The following CFAP44 variants were observed in gnomAD, a reference collection of about 807,000 sequenced individuals.
The protein encoded by CFAP44 is cilia- and flagella-associated protein 44.
A neutral mutation model predicts 216.2 loss-of-function variants in CFAP44; 134 were observed. The ratio of observed to expected loss-of-function variants is 0.62; its 90% CI spans 0.54 to 0.72. CFAP44 has a LOEUF of 0.72. Among genes scored for constraint, CFAP44 ranks in the 30% least tolerant of loss-of-function variants. CFAP44 has a pLI of 0.00. For missense variants in CFAP44, 2,035 were observed against 2,182.1 expected, an observed-to-expected ratio of 0.93 and a Z score of 1.34; for synonymous variants, 700 against 727.6, an observed-to-expected ratio of 0.96 and a Z score of 0.61.
chr3:113,306,447 C>A, intron 29 of CFAP44, 116 bp from the exon 30 acceptor site: 1 of 1,300,218 alleles, frequency 7.7e-7, no homozygotes, highest in Non-Finnish European at 1.0e-6. Context: ...TCCACTCTAG[C>A]CAGCTTTTAA....
intron 2 of CFAP44, among the ~76,000 whole-genome samples, chr3:113,430,217 A>C (rs1935068078): frequency 6.6e-6 from 1 of 152,116 alleles, no homozygotes; most frequent in African/African-American, 2.4e-5. Context: ...TTACACAATA[A>C]AAATAATGCA....
chr3:113,380,405 G>A (rs1219206978), intron 16 of CFAP44, among the ~76,000 whole-genome samples: 5 of 151,730 alleles, frequency 3.3e-5, no homozygotes, highest in African/African-American at 7.3e-5. Flanking sequence ...TATTGCCATC[G>A]CCCTATTTTC....
intron 18 of CFAP44, among the ~76,000 whole-genome samples, chr3:113,367,397 A>G (rs150689399): frequency 0.029 from 4,379 of 152,200 alleles, 110 homozygotes; most frequent in East Asian, 0.1. Flanking sequence ...GTTCTGCAAT[A>G]TTTGCCATTC....
Position 113,291,478 on chromosome 3 carries a change from A to G in CFAP44, c.*79T>C. Reference sequence around the variant, plus strand: ...GGCGAGTTCAGTTTAAAGTAATAAGATTGTTGGAGGTGATGAGGAGACAGA... The same window carrying G: ...GGCGAGTTCAGTTTAAAGTAATAAGGTTGTTGGAGGTGATGAGGAGACAGA... On this transcript the variant is annotated 3_prime_UTR_variant, in exon 35 of 35. Coordinates refer to ENST00000393845, the MANE Select transcript of CFAP44 (RefSeq NM_001164496.2). The G allele has an allele frequency of 1.4e-6, 2 of 1,445,040 alleles. No individual in the cohort carries two copies. Among genetic ancestry groups the G allele is most frequent in the Non-Finnish European group, 1.8e-6 (2 of 1,081,598 alleles). 89.5% of individuals were successfully genotyped at this position (1,445,040 alleles called of 1,614,324 possible).
At chr3:113,352,745 A>G (rs1297836735) in intron 22 of CFAP44, among the ~76,000 whole-genome samples, 1 of 152,220 alleles carries the variant, frequency 6.6e-6, no homozygotes, top group African/African-American at 2.4e-5. Flanking sequence ...AATACATGTA[A>G]ATGAACCACA....
intron 1 of CFAP44, chr3:113,435,088 T>A (rs1427326002): frequency 6.6e-6 from 1 of 152,224 alleles, no homozygotes; most frequent in Admixed American, 6.5e-5. Flanking sequence ...CCGAGCTCAG[T>A]GGCTCATGCC....
chr3:113,395,929 G>T, intron 14 of CFAP44, 69 bp from the exon 15 acceptor site: 1 of 1,134,740 alleles, frequency 8.8e-7, no homozygotes, highest in Non-Finnish European at 1.3e-6. Flanking sequence ...TCACAAAAAA[G>T]CATGTAATAA....
chr3:113,352,463 C>T (rs1040244397), intron 22 of CFAP44, among the ~76,000 whole-genome samples: 4 of 152,130 alleles, frequency 2.6e-5, no homozygotes, highest in African/African-American at 9.7e-5. Context: ...TCAGCAAGAC[C>T]AAGAACCCAC....
chr3:113,305,787 T>A (rs1949979651), intron 30 of CFAP44, among the ~76,000 whole-genome samples: 1 of 152,314 alleles, frequency 6.6e-6, no homozygotes, highest in South Asian at 2.1e-4. Context: ...CAAAATCATC[T>A]ATTGGGGTAT....
rs1935163025 is a variant in CFAP44, at chr3:113,433,560, C to T, written c.100+5G>A. On this transcript the variant is annotated splice_donor_5th_base_variant and intron_variant, in intron 2 of 34. Transcript: ENST00000393845. ...TTTAAAAGTATACATATTATCTTTA[C>T]TTACATCTTGATTCTGATTTAGAAG... The T allele has an allele frequency of 2.6e-6, 4 of 1,524,194 alleles. No individual in the cohort carries two copies. Among genetic ancestry groups the T allele is most frequent in the African/African-American group, 2.8e-5 (2 of 71,368 alleles). 94.4% of individuals were successfully genotyped at this position (1,524,194 alleles called of 1,614,324 possible).
chr3:113,294,013 ACTTAG>A (rs549443662), intron 34 of CFAP44: 137 of 456,720 alleles, frequency 3.0e-4, no homozygotes, highest in African/African-American at 1.6e-3. Context: ...CTGTTGGAAC[ACTTAG>A]CTTAGACCAT....
At chr3:113,373,287 C>T (rs79686875) in intron 18 of CFAP44, 124 bp downstream of exon 18, 47 of 949,402 alleles carry the variant, frequency 5.0e-5, no homozygotes, top group Non-Finnish European at 1.1e-5. Flanking sequence ...TTTATTTAAC[C>T]AAATATTTTT....
chr3:113,341,754 ATTCT>A lies in CFAP44; in HGVS notation c.3423_3426del (p.Lys1141AsnfsTer35). On this transcript the variant is annotated frameshift_variant, in exon 24 of 35. Coordinates refer to ENST00000393845, the MANE Select transcript of CFAP44 (RefSeq NM_001164496.2). LOFTEE classifies it high-confidence loss of function. ...TAAAAAAAAACTCACAGTTCCTCCC[ATTCT>A]TTTTTTCGCTGTTGAATCTTTAGTT... is the stretch of plus-strand genomic sequence containing the variant. 1.3e-6 allele frequency: 2 copies of A among 1,485,914 alleles called. No individual in the cohort carries two copies. The highest frequency in any genetic ancestry group is 1.8e-6 in the Non-Finnish European group (2 of 1,130,308). The allele number at this position is 1,485,914 out of a possible 1,614,324, so 92.0% of individuals were successfully genotyped here.
intron 21 of CFAP44, among the ~76,000 whole-genome samples, chr3:113,362,650 T>C (rs150050439): frequency 1.3e-5 from 2 of 152,290 alleles, no homozygotes; most frequent in African/African-American, 4.8e-5. Flanking sequence ...AGTGCAGGGA[T>C]GCACATAGGA....
At chr3:113,376,901 G>T (rs1267117509) in intron 17 of CFAP44, among the ~76,000 whole-genome samples, 1 of 152,176 alleles carries the variant, frequency 6.6e-6, no homozygotes, top group Non-Finnish European at 1.5e-5. Context: ...GAGACCAAGT[G>T]GTTTATCTCA....
At chr3:113,336,888 C>A (rs996981682) in intron 24 of CFAP44, among the ~76,000 whole-genome samples, 1 of 151,720 alleles carries the variant, frequency 6.6e-6, no homozygotes, top group African/African-American at 2.4e-5. Flanking sequence ...TATTTAACCA[C>A]TGAATGCTTC....
At chr3:113,300,694 A>G (rs1448873063) in intron 32 of CFAP44, among the ~76,000 whole-genome samples, 1 of 152,046 alleles carries the variant, frequency 6.6e-6, no homozygotes, top group African/African-American at 2.4e-5. Context: ...AACAAAATAC[A>G]TGAACAGACA....
At chr3:113,339,657 G>A (rs1443975804) in intron 24 of CFAP44, among the ~76,000 whole-genome samples, 1 of 152,132 alleles carries the variant, frequency 6.6e-6, no homozygotes, top group African/African-American at 2.4e-5. Flanking sequence ...CCCTCAGACC[G>A]GGATTTTCTT....
At chr3:113,303,794 G>T in intron 32 of CFAP44, 122 bp downstream of exon 32, 1 of 1,055,342 alleles carries the variant, frequency 9.5e-7, no homozygotes, top group South Asian at 1.7e-5. Context: ...TGGTGTTCTT[G>T]TTTCCCTTCT....
Sources: allele counts gnomAD v4.1 joint callset (sites outside exome capture counted in the v4.1 genomes callset), GRCh38; gene constraint gnomAD v4.1.1; transcripts MANE v1.5; gene names NCBI Gene and HGNC (gene_info 2026-07-23, HGNC 2026-07-21).